Variants in LMBR1 observed in about 807,000 individuals in gnomAD.
The protein encoded by LMBR1 is limb region 1 protein homolog.
LMBR1 carries 52 observed loss-of-function variants against 73.9 expected under a neutral mutation model. The ratio of observed to expected loss-of-function variants is 0.70; its 90% confidence interval spans 0.56 to 0.89. LMBR1 has a LOEUF of 0.89. Ranked by LOEUF, LMBR1 falls within the 40% of genes least tolerant of loss-of-function variation. LMBR1 has a pLI of 0.00. For missense variants in LMBR1, 539 were observed against 579.8 expected (o/e 0.93, Z 0.72); for synonymous variants, 215 against 209.4 (o/e 1.03, Z -0.23).
chr7:156,756,838 C>T (rs1821977046), intron 8 of LMBR1, among the ~76,000 whole-genome samples: 1 of 151,988 alleles, frequency 6.6e-6, no homozygotes, highest in African/African-American at 2.4e-5. Flanking sequence ...TTGTTTGAGA[C>T]AGTCTCACTC....
At chr7:156,850,091 G>T (rs994569548) in intron 1 of LMBR1, among the ~76,000 whole-genome samples, 5 of 152,196 alleles carry the variant, frequency 3.3e-5, no homozygotes, top group Admixed American at 6.5e-5. Context: ...AATTCCCAAT[G>T]CAACAGTGTT....
intron 1 of LMBR1, among the ~76,000 whole-genome samples, chr7:156,846,586 T>G (rs1449217713): frequency 1.3e-5 from 2 of 152,170 alleles, no homozygotes; most frequent in African/African-American, 4.8e-5. Flanking sequence ...ATAGGAAGAC[T>G]CAATATTGTC....
chr7:156,790,493 G>A (rs1829017243), intron 5 of LMBR1, among the ~76,000 whole-genome samples: 1 of 151,980 alleles, frequency 6.6e-6, no homozygotes, highest in African/African-American at 2.4e-5. Flanking sequence ...CCACTGTTAT[G>A]CAAATAAAGA....
intron 3 of LMBR1, among the ~76,000 whole-genome samples, chr7:156,830,041 G>A (rs1363257774): frequency 1.3e-5 from 2 of 152,044 alleles, no homozygotes; most frequent in African/African-American, 2.4e-5. Flanking sequence ...AGTGAAACAG[G>A]TGCTCCTTAC....
At chr7:156,801,314 G>A (rs1352688399) in intron 4 of LMBR1, among the ~76,000 whole-genome samples, 1 of 152,128 alleles carries the variant, frequency 6.6e-6, no homozygotes, top group Non-Finnish European at 1.5e-5. Flanking sequence ...CTCACTAAAG[G>A]CTCAGATAAT....
At chr7:156,764,800 T>G (rs551599663) in intron 5 of LMBR1, among the ~76,000 whole-genome samples, 1 of 152,210 alleles carries the variant, frequency 6.6e-6, no homozygotes, top group Non-Finnish European at 1.5e-5. Context: ...GGCACCCCAG[T>G]TCTTCAAATT....
intron 5 of LMBR1, among the ~76,000 whole-genome samples, chr7:156,764,904 T>C (rs1031902621): frequency 6.6e-6 from 1 of 152,200 alleles, no homozygotes; most frequent in African/African-American, 2.4e-5. Context: ...TTCTTACTAG[T>C]CCTTCAACAA....
downstream of LMBR1, among the ~76,000 whole-genome samples, chr7:156,674,193 G>GGCT (rs1438402593): frequency 6.6e-6 from 1 of 152,230 alleles, no homozygotes. Flanking sequence ...CAGGTGTCCT[G>GGCT]GCTTGCAGGC....
intron 5 of LMBR1, among the ~76,000 whole-genome samples, chr7:156,795,574 GTTT>G (rs1427271862): frequency 6.6e-6 from 1 of 152,020 alleles, no homozygotes; most frequent in East Asian, 1.9e-4. Context: ...TTTATTCTTG[GTTT>G]TTGTTTGTTT....
intron 1 of LMBR1, among the ~76,000 whole-genome samples, chr7:156,890,188 A>G (rs1420132799): frequency 6.6e-6 from 1 of 152,164 alleles, no homozygotes; most frequent in African/African-American, 2.4e-5. Context: ...ACAAAAAAAT[A>G]AATTCGAAAT....
At position 156,680,397 on chromosome 7, in the gene LMBR1, A is replaced by AGTGTGTGTGTGTGTGTGTGTGT. The variant is rs1338310393; in HGVS notation, c.*3680_*3681insACACACACACACACACACACAC. The AGTGTGTGTGTGTGTGTGTGTGT allele has an allele frequency of 8.0e-5, 11 of 137,638 alleles. No individual in the cohort carries two copies. Among genetic ancestry groups the AGTGTGTGTGTGTGTGTGTGTGT allele is most frequent in the African/African-American group, 2.9e-4 (10 of 34,084 alleles). 8.5% of individuals were successfully genotyped at this position (137,638 alleles called of 1,614,324 possible). ...GAGACAGAGAGAGAGAGAGAGAGAG[A>AGTGTGTGTGTGTGTGTGTGTGT]GAGAGAGTGTGTGTGTGTGTGTGTG... On this transcript the variant is annotated 3_prime_UTR_variant, in exon 17 of 17. Transcript: ENST00000353442.
At chr7:156,844,479 CA>C (rs1839272654) in intron 1 of LMBR1, among the ~76,000 whole-genome samples, 1 of 151,954 alleles carries the variant, frequency 6.6e-6, no homozygotes, top group African/African-American at 2.4e-5. Context: ...GAGACAGAGT[CA>C]GAGGGATGAG....
At chr7:156,675,664 T>A (rs778405982), downstream of LMBR1, 12 of 1,593,604 alleles carry the variant, frequency 7.5e-6, no homozygotes, top group Non-Finnish European at 1.0e-5. Flanking sequence ...CGAGCTCAGG[T>A]GTGAGCTTAC....
chr7:156,887,843 C>A (rs1053670993), intron 1 of LMBR1, among the ~76,000 whole-genome samples: 1 of 152,056 alleles, frequency 6.6e-6, no homozygotes, highest in Non-Finnish European at 1.5e-5. Context: ...CAACTCAATT[C>A]AAAAACAGGC....
At chr7:156,849,257 C>A (rs1216321465) in intron 1 of LMBR1, among the ~76,000 whole-genome samples, 2 of 152,124 alleles carry the variant, frequency 1.3e-5, no homozygotes, top group Admixed American at 1.3e-4. Context: ...TGAACTAACA[C>A]AAGAACAGGA....
chr7:156,781,618 C>A (rs1827144879), intron 5 of LMBR1, among the ~76,000 whole-genome samples: 1 of 152,082 alleles, frequency 6.6e-6, no homozygotes, highest in Non-Finnish European at 1.5e-5. Flanking sequence ...GGATACAAAT[C>A]ACCCTTTTCC....
At chr7:156,838,122 T>C (rs913352946) in intron 1 of LMBR1, among the ~76,000 whole-genome samples, 4 of 152,194 alleles carry the variant, frequency 2.6e-5, no homozygotes, top group African/African-American at 4.8e-5. Context: ...ATAGAAGTTA[T>C]ACATATTTAC....
chr7:156,806,464 TA>T (rs35822447), intron 4 of LMBR1, among the ~76,000 whole-genome samples: 61,818 of 151,142 alleles, frequency 0.41, 12,854 homozygotes, highest in East Asian at 0.6. Context: ...TTATTTTTTT[TA>T]AAAAAAACCT....
chr7:156,868,107 A>C (rs1798729975), intron 1 of LMBR1, among the ~76,000 whole-genome samples: 2 of 152,204 alleles, frequency 1.3e-5, no homozygotes, highest in Admixed American at 1.3e-4. Flanking sequence ...CCTTAAGTCC[A>C]AATGAAAAAG....
Sources: gnomAD v4.1 joint callset for allele counts (sites outside exome capture counted in the v4.1 genomes callset) on GRCh38, gnomAD v4.1.1 for gene constraint, MANE v1.5 for transcripts, NCBI Gene and HGNC (gene_info 2026-07-23, HGNC 2026-07-21) for gene names.